The following AGBL4 variants were observed in gnomAD, a reference collection of about 807,000 sequenced individuals.
AGBL4 encodes AGBL carboxypeptidase 4, also known as cytosolic carboxypeptidase 6.
Under a neutral mutation model 66.4 loss-of-function variants are expected in AGBL4, and 58 were observed. The ratio of observed to expected loss-of-function variants is 0.87; its 90% confidence interval spans 0.71 to 1.09. The LOEUF is 1.09. Ranked by LOEUF, AGBL4 falls within the 50% of genes least tolerant of loss-of-function variation. The pLI, the probability that AGBL4 is intolerant of heterozygous loss-of-function variation, is 0.00. For synonymous variants in AGBL4, 234 were observed against 222.9 expected, an observed-to-expected ratio of 1.05 and a Z score of -0.44; for missense variants, 579 against 631.0, an observed-to-expected ratio of 0.92 and a Z score of 0.88.
intron 4 of AGBL4, among the ~76,000 whole-genome samples, chr1:49,117,133 T>G (rs1333603823): frequency 2.0e-4 from 31 of 151,816 alleles, no homozygotes; most frequent in Non-Finnish European, 2.4e-4. Flanking sequence ...TTTGTCAGAT[T>G]GGTAGTTTGC....
chr1:49,111,032 G>T (rs1645396184), intron 4 of AGBL4, among the ~76,000 whole-genome samples: 1 of 151,792 alleles, frequency 6.6e-6, no homozygotes, highest in Admixed American at 6.6e-5. Context: ...TTCTAATGTA[G>T]ATTTCAAGAC....
At chr1:48,897,496 G>C (rs1228163510) in intron 5 of AGBL4, among the ~76,000 whole-genome samples, 1 of 152,144 alleles carries the variant, frequency 6.6e-6, no homozygotes. Flanking sequence ...TACGTATTCA[G>C]TAGTGGAATT....
rs1221311361 is a variant in AGBL4, at chr1:49,948,194, AT to A, written c.34+75568del. Among the ~76,000 whole-genome samples, 82 of 97,352 alleles carry A rather than the reference AT, an allele frequency of 8.4e-4. 1 individual carries two copies. Among genetic ancestry groups the A allele is most frequent in the Admixed American group, 2.2e-3 (13 of 6,044 alleles). The allele number at this position is 97,352 out of a possible 152,430, so 63.9% of individuals were successfully genotyped here. A position where few individuals can be genotyped will look rare whatever the true frequency, so the allele number is the denominator to read the frequency against. On this transcript the variant is annotated intron_variant, in intron 1 of 13. Transcript: ENST00000371839. Reference sequence around the variant, plus strand: ...AATATATATAACTATATATAAATATATATAAATATAAATATATAAATATATA... The same window carrying A: ...AATATATATAACTATATATAAATATAATAAATATAAATATATAAATATATA...
chr1:48,636,187 A>G (rs1283358948), intron 8 of AGBL4, among the ~76,000 whole-genome samples: 2 of 152,224 alleles, frequency 1.3e-5, no homozygotes, highest in Non-Finnish European at 2.9e-5. Context: ...CTGTAAAATC[A>G]CTATTAAAAA....
intron 11 of AGBL4, among the ~76,000 whole-genome samples, chr1:48,577,490 T>C (rs1388466000): frequency 6.6e-6 from 1 of 152,146 alleles, no homozygotes; most frequent in Non-Finnish European, 1.5e-5. Flanking sequence ...CATTTCAAAT[T>C]ATGGCCATAA....
At chr1:48,542,569 G>T (rs1644091929) in intron 11 of AGBL4, among the ~76,000 whole-genome samples, 1 of 152,146 alleles carries the variant, frequency 6.6e-6, no homozygotes, top group East Asian at 1.9e-4. Context: ...TTGTGGTTTT[G>T]ATTTTCATTT....
At chr1:49,739,072 T>C (rs1261501176) in intron 2 of AGBL4, among the ~76,000 whole-genome samples, 1 of 152,154 alleles carries the variant, frequency 6.6e-6, no homozygotes, top group African/African-American at 2.4e-5. Context: ...TTTGACGAGT[T>C]GAGAGAAGAA....
intron 3 of AGBL4, among the ~76,000 whole-genome samples, chr1:49,404,935 A>G (rs1256984956): frequency 5.3e-5 from 8 of 152,214 alleles, no homozygotes; most frequent in African/African-American, 1.9e-4. Flanking sequence ...AGGATTTCCT[A>G]TGTAATGCAT....
intron 6 of AGBL4, among the ~76,000 whole-genome samples, chr1:48,755,480 G>C (rs903680762): frequency 1.1e-4 from 17 of 152,216 alleles, no homozygotes; most frequent in Non-Finnish European, 2.1e-4. Context: ...AAATACTCAA[G>C]GATATGCCTC....
intron 8 of AGBL4, among the ~76,000 whole-genome samples, chr1:48,649,738 A>G (rs545466032): frequency 5.4e-4 from 83 of 152,324 alleles, no homozygotes; most frequent in Non-Finnish European, 1.1e-3. Context: ...CTCCCTGACC[A>G]GCCTTCCTAG....
At chr1:49,063,490 G>GGC (rs1644438542) in intron 4 of AGBL4, among the ~76,000 whole-genome samples, 23 of 152,310 alleles carry the variant, frequency 1.5e-4, no homozygotes, top group Admixed American at 7.2e-4. Context: ...TAGAAGCAGA[G>GGC]CTTAAGAACT....
chr1:49,343,462 C>T (rs1034289172), intron 3 of AGBL4, among the ~76,000 whole-genome samples: 4 of 152,168 alleles, frequency 2.6e-5, no homozygotes, highest in African/African-American at 7.2e-5. Flanking sequence ...AGGGGATACT[C>T]AGTTCTTTGC....
At chr1:49,162,339 T>C (rs1449867730) in intron 4 of AGBL4, among the ~76,000 whole-genome samples, 2 of 152,218 alleles carry the variant, frequency 1.3e-5, no homozygotes, top group Non-Finnish European at 2.9e-5. Context: ...CCTATATTTC[T>C]GGAGTTACTT....
At chr1:49,049,848 A>T (rs115874396) in intron 4 of AGBL4, among the ~76,000 whole-genome samples, 4,219 of 152,036 alleles carry the variant, frequency 0.028, 168 homozygotes, top group African/African-American at 0.096. Context: ...TAATAATAAT[A>T]ATTATTATAG....
At chr1:49,367,835 G>T (rs1005739863) in intron 3 of AGBL4, among the ~76,000 whole-genome samples, 1 of 152,034 alleles carries the variant, frequency 6.6e-6, no homozygotes, top group Non-Finnish European at 1.5e-5. Flanking sequence ...TCACAATGTC[G>T]TGCAACCATC....
At chr1:49,610,280 T>C (rs1472924000) in intron 3 of AGBL4, among the ~76,000 whole-genome samples, 2 of 152,110 alleles carry the variant, frequency 1.3e-5, no homozygotes, top group Non-Finnish European at 2.9e-5. Flanking sequence ...TCCCTATTTT[T>C]ACAGAGAAGA....
chr1:49,941,576 TAAG>T (rs768273245), intron 1 of AGBL4, among the ~76,000 whole-genome samples: 9 of 151,868 alleles, frequency 5.9e-5, no homozygotes, highest in Admixed American at 1.3e-4. Context: ...GAGTTCAACA[TAAG>T]AAAATTAATA....
At chr1:48,562,165 C>A (rs1644406615) in intron 11 of AGBL4, among the ~76,000 whole-genome samples, 1 of 152,180 alleles carries the variant, frequency 6.6e-6, no homozygotes, top group Non-Finnish European at 1.5e-5. Flanking sequence ...GTCAAGTCTC[C>A]TCAACCACAC....
At chr1:50,000,016 G>C (rs899448756) in intron 1 of AGBL4, among the ~76,000 whole-genome samples, 11 of 152,210 alleles carry the variant, frequency 7.2e-5, no homozygotes, top group African/African-American at 2.6e-4. Context: ...CTTAGACAAA[G>C]ACCTCATGAC....
Sources: allele counts gnomAD v4.1 joint callset (sites outside exome capture counted in the v4.1 genomes callset), GRCh38; gene constraint gnomAD v4.1.1; transcripts MANE v1.5; gene names NCBI Gene and HGNC (gene_info 2026-07-23, HGNC 2026-07-21).